The following MYH9 variants were observed in gnomAD, a reference collection of about 807,000 sequenced individuals.
The protein encoded by MYH9 is myosin-9.
MYH9 carries 29 observed loss-of-function variants against 241.9 expected under a neutral mutation model. The observed-to-expected ratio is 0.12, with a 90% CI of 0.09 to 0.16. MYH9 has a LOEUF of 0.16. Among genes scored for constraint, MYH9 ranks in the 10% least tolerant of loss-of-function variants. The pLI is 1.00. For synonymous variants in MYH9, 1,047 were observed against 1,062.6 expected (o/e 0.99, Z 0.29); for missense variants, 1,803 against 2,595.5 (o/e 0.69, Z 6.63).
chr22:36,284,487 C>G lies in MYH9; in HGVS notation c.5508G>C (p.Gln1836His), dbSNP rs766271245. The change falls in exon 39 of 41, where the codon CAG (glutamine) becomes CAC (histidine). Residue 1836 changes from glutamine (Q) to histidine (H), a missense_variant. Physicochemically the swap from Gln to His is conservative, Grantham distance 24. Around this residue, in one of 11 missense-constraint regions of MYH9, gnomAD observed 876 missense variants for 1,077.8 expected, o/e 0.81. Transcript: ENST00000216181. ...TCAGCTTCTTCTCGGTCCGACGCAC[C>G]TGTTTGCAGGCTGCCTGGCGCTCCC... ...ETKERQAACK[Q>H]VRRTEKKLKD... 6.8e-6 allele frequency: 11 copies of G among 1,613,188 alleles called. No homozygotes were observed. Among genetic ancestry groups the G allele is most frequent in the East Asian group, 2.2e-5 (1 of 44,886 alleles).
chr22:36,351,328 G>T (rs1279074501), intron 1 of MYH9, among the ~76,000 whole-genome samples: 1 of 152,188 alleles, frequency 6.6e-6, no homozygotes, highest in Non-Finnish European at 1.5e-5. Flanking sequence ...GGGGCCAGGG[G>T]GCACATCCAC....
intron 3 of MYH9, among the ~76,000 whole-genome samples, chr22:36,332,978 C>T (rs776101482): frequency 4.6e-5 from 7 of 152,140 alleles, no homozygotes; most frequent in Non-Finnish European, 7.4e-5. Flanking sequence ...ACTCCCAGTC[C>T]GGTTCCGCCT....
intron 1 of MYH9, among the ~76,000 whole-genome samples, chr22:36,374,849 C>T (rs2018142193): frequency 6.6e-6 from 1 of 152,208 alleles, no homozygotes; most frequent in Non-Finnish European, 1.5e-5. Flanking sequence ...CAACCTGAAT[C>T]ACCCCTGAAC....
chr22:36,345,188 T>G (rs2017657796), intron 2 of MYH9, among the ~76,000 whole-genome samples: 1 of 151,910 alleles, frequency 6.6e-6, no homozygotes, highest in South Asian at 2.1e-4. Context: ...AGTGGGTGCC[T>G]GTAGTCCCAG....
intron 1 of MYH9, among the ~76,000 whole-genome samples, chr22:36,367,052 C>T (rs559451913): frequency 1.4e-4 from 21 of 152,154 alleles, no homozygotes; most frequent in African/African-American, 4.3e-4. Flanking sequence ...TTAGGGGGCT[C>T]GCAGAGACTC....
At position 36,334,817 on chromosome 22, in the gene MYH9, G is replaced by A. The variant is rs550314569; in HGVS notation, c.490+6553C>T. Among the ~76,000 whole-genome samples the A allele has an allele frequency of 1.4e-4, 22 of 152,278 alleles. No homozygotes were observed. The South Asian group carries it at 4.4e-3, about 30-fold the overall frequency. On this transcript the variant is annotated intron_variant, in intron 3 of 40. Coordinates refer to ENST00000216181, the MANE Select transcript of MYH9 (RefSeq NM_002473.6). Reference sequence around the variant, plus strand: ...TCTTACCATGGCCCTGCCCAGGAGTGTCATGAAGCCCAAGAGGAGGACAAG... The same window carrying A: ...TCTTACCATGGCCCTGCCCAGGAGTATCATGAAGCCCAAGAGGAGGACAAG...
intron 3 of MYH9, among the ~76,000 whole-genome samples, chr22:36,340,185 T>A (rs1383474869): frequency 1.3e-5 from 2 of 150,316 alleles, no homozygotes; most frequent in Non-Finnish European, 3.0e-5. Flanking sequence ...GCAAAAGTAA[T>A]CGCGGTCTTT....
chr22:36,372,814 G>C (rs1474567502), intron 1 of MYH9, among the ~76,000 whole-genome samples: 1 of 152,118 alleles, frequency 6.6e-6, no homozygotes, highest in African/African-American at 2.4e-5. Context: ...ATAAGCAAAC[G>C]ACTTCTCTCC....
Position 36,295,822 on chromosome 22 carries a change from G to C in MYH9, c.3273-105C>G. 9.4e-7 allele frequency: 1 copy of C among 1,058,886 alleles called. No homozygotes were observed. Among genetic ancestry groups the C allele is most frequent in the Non-Finnish European group, 1.4e-6 (1 of 709,782 alleles). 65.6% of individuals were successfully genotyped at this position (1,058,886 alleles called of 1,614,324 possible). On this transcript the variant is annotated intron_variant, in intron 25 of 40. Transcript: ENST00000216181. This position sits in a 1 kb window ranked among gnomAD's most constrained non-coding sequence, Gnocchi z 4.1. ...GCTGCAGCAGCCAAAGCTGCCTCCT[G>C]TGGTCACAATCATGGCACTTAGGAT...
At chr22:36,303,948 C>T (rs1188688109) in intron 19 of MYH9, 47 bp downstream of exon 19, 5 of 1,607,802 alleles carry the variant, frequency 3.1e-6, no homozygotes, top group Non-Finnish European at 4.2e-6. Context: ...AACAGAAGGG[C>T]GTGGCAAGGC....
chr22:36,355,056 C>A (rs11089788), intron 1 of MYH9, among the ~76,000 whole-genome samples: 68,321 of 150,452 alleles, frequency 0.45, 16,366 homozygotes, highest in Non-Finnish European at 0.53. Context: ...AATGGGCAGG[C>A]CAGCAAGAGG....
At chr22:36,342,405 A>G (rs2017603872) in intron 2 of MYH9, among the ~76,000 whole-genome samples, 1 of 152,202 alleles carries the variant, frequency 6.6e-6, no homozygotes, top group East Asian at 1.9e-4. Flanking sequence ...TGAAGCACAT[A>G]GCACAGCACG....
intron 1 of MYH9, among the ~76,000 whole-genome samples, chr22:36,366,945 C>G (rs2018020199): frequency 6.6e-6 from 1 of 152,190 alleles, no homozygotes; most frequent in Non-Finnish European, 1.5e-5. Flanking sequence ...TGTGCACACT[C>G]TACAAATGGA....
At position 36,286,790 on chromosome 22, in the gene MYH9, C is replaced by A. The variant is rs772398702; in HGVS notation, c.4989G>T (p.Glu1663Asp). The A allele has an allele frequency of 6.2e-6, 10 of 1,612,676 alleles. No homozygotes were observed. The African/African-American group carries it at 1.2e-4, about 19-fold the overall frequency. ...ELDDTRASREEILAQAKENEK... is the reference protein window; with the variant it reads ...ELDDTRASREDILAQAKENEK... ...CGTTCTCTTTGGCCTGGGCCAGGAT[C>A]TCCTCACGAGAGGCGCGGGTGTCAT... is the stretch of plus-strand genomic sequence containing the variant. The change falls in exon 35 of 41, where the codon GAG (glutamate) becomes GAT (aspartate). Residue 1663 changes from glutamate to aspartate, a missense_variant. By Grantham distance (45) the Glu-to-Asp change is conservative. Coordinates refer to ENST00000216181, the MANE Select transcript of MYH9 (RefSeq NM_002473.6).
At position 36,288,349 on chromosome 22, in the gene MYH9, C is replaced by T. The variant is rs959398547; in HGVS notation, c.4835G>A (p.Arg1612Gln). Reference protein sequence around the residue: ...RKQRSMAVAARKKLEMDLKDL... With the variant: ...RKQRSMAVAAQKKLEMDLKDL... ...CTTCAGGTCCATCTCCAGCTTCTTC[C>T]GGGCGGCCACTGCCATCGAGCGCTG... The change falls in exon 34 of 41, where the codon CGG becomes CAG. Residue 1612 changes from arginine (R) to glutamine (Q), a missense_variant. By Grantham distance (43) the Arg-to-Gln change is conservative. Coordinates refer to ENST00000216181, the MANE Select transcript of MYH9 (RefSeq NM_002473.6). This position sits in a 1 kb window ranked among gnomAD's most constrained non-coding sequence, Gnocchi z 4.8. 1.2e-6 allele frequency: 2 copies of T among 1,613,894 alleles called. No individual in the cohort carries two copies. The highest frequency in any genetic ancestry group is 8.5e-7 in the Non-Finnish European group (1 of 1,180,040).
chr22:36,326,072 G>GA (rs971211428), intron 5 of MYH9, among the ~76,000 whole-genome samples: 1 of 151,924 alleles, frequency 6.6e-6, no homozygotes, highest in African/African-American at 2.4e-5. Flanking sequence ...AAAGGGAGAG[G>GA]AAAAAAATGG....
intron 19 of MYH9, among the ~76,000 whole-genome samples, chr22:36,303,653 G>C (rs377572800): frequency 6.6e-6 from 1 of 151,826 alleles, no homozygotes; most frequent in South Asian, 2.1e-4. Context: ...GCGTGGTGGC[G>C]TGCACCTGTA....
chr22:36,295,109 G>A lies in MYH9; in HGVS notation c.3486-33C>T, dbSNP rs200625814. 5.0e-6 allele frequency: 8 copies of A among 1,613,820 alleles called. No individual in the cohort carries two copies. The highest frequency in any genetic ancestry group is 4.5e-5 in the East Asian group (2 of 44,878). On this transcript the variant is annotated intron_variant, in intron 26 of 40. Coordinates refer to ENST00000216181, the MANE Select transcript of MYH9 (RefSeq NM_002473.6). The surrounding 1 kb of genome is among the most constrained non-coding windows in gnomAD (Gnocchi z 4.1). ...GAGAAATCCCCTCAGAGTGGAGGCC[G>A]GGGATGCTGGAGCGAGGCTGTCCCT...
chr22:36,314,340 TCAGAGAGACGC>T, intron 12 of MYH9, 22 bp from the exon 13 acceptor site: 1 of 1,613,520 alleles, frequency 6.2e-7, no homozygotes, highest in Non-Finnish European at 8.5e-7. Flanking sequence ...GAAAACAATG[TCAGAGAGACGC>T]CAACCCTGCA....
Sources: allele counts gnomAD v4.1 joint callset (sites outside exome capture counted in the v4.1 genomes callset), GRCh38; gene constraint gnomAD v4.1.1; regional missense constraint gnomAD v4.1.1; non-coding constraint Gnocchi (gnomAD v3.1); transcripts MANE v1.5; gene names NCBI Gene and HGNC (gene_info 2026-07-23, HGNC 2026-07-21).